GRIK1: variants seen among roughly 807,000 people sequenced by gnomAD.
GRIK1 encodes the protein glutamate receptor ionotropic, kainate 1.
Under a neutral mutation model 105.7 loss-of-function variants are expected in GRIK1, and 69 were observed. The observed-to-expected ratio is 0.65, with a 90% CI of 0.54 to 0.80. The LOEUF (loss-of-function observed/expected upper bound fraction) is 0.80, where lower values mean the gene tolerates loss of function less well. Ranked by LOEUF, GRIK1 falls within the 30% of genes least tolerant of loss-of-function variation. GRIK1 has a pLI of 0.00. For synonymous variants in GRIK1, 438 were observed against 431.3 expected, an observed-to-expected ratio of 1.02 and a Z score of -0.19; for missense variants, 1,109 against 1,167.3, an observed-to-expected ratio of 0.95 and a Z score of 0.73.
At chr21:29,614,444 G>A (rs995639594) in intron 7 of GRIK1, among the ~76,000 whole-genome samples, 18 of 98,012 alleles carry the variant, frequency 1.8e-4, no homozygotes, top group East Asian at 6.5e-4. Flanking sequence ...ACGGAGTTTC[G>A]CCCTTGTTGC....
Position 29,801,276 on chromosome 21 carries a change from T to TAAAG in GRIK1, c.119-107214_119-107213insCTTT, listed in dbSNP as rs1451672812. Among the ~76,000 whole-genome samples the TAAAG allele has an allele frequency of 8.7e-4, 132 of 151,822 alleles. 1 individual carries two copies. The East Asian group carries it at 0.023, about 26-fold the overall frequency. On this transcript the variant is annotated intron_variant, in intron 1 of 17. Coordinates refer to ENST00000327783, the MANE Select transcript of GRIK1 (RefSeq NM_001330994.2). ...GTAATTGCGGTTTTTACCATTACTT[T>TAAAG]TAATGGTAAAAACCGCAATTACTTT...
intron 1 of GRIK1, among the ~76,000 whole-genome samples, chr21:29,723,468 T>C (rs894400315): frequency 6.6e-6 from 1 of 152,206 alleles, no homozygotes; most frequent in Non-Finnish European, 1.5e-5. Flanking sequence ...TGCTCCCAAA[T>C]TTCTCTCATG....
At chr21:29,724,099 A>G (rs1017481089) in intron 1 of GRIK1, among the ~76,000 whole-genome samples, 5 of 152,222 alleles carry the variant, frequency 3.3e-5, no homozygotes, top group African/African-American at 1.2e-4. Context: ...TGGGCTATGT[A>G]TATGTAGAAG....
At chr21:29,553,484 C>G in intron 16 of GRIK1, 1 of 1,461,506 alleles carries the variant, frequency 6.8e-7, no homozygotes, top group East Asian at 2.4e-5. Flanking sequence ...TTAGCAAATA[C>G]AAATATCAAC....
rs140233775 is a variant in GRIK1, at chr21:29,765,710, T to C, written c.119-71647A>G. On this transcript the variant is annotated intron_variant, in intron 1 of 17. Transcript: ENST00000327783. ...GGAAGTAGAGCAGAATAAGAATCCCTCCCTCTGACAAATACAGCAAACTGG... is the reference window on the plus strand; with the variant it reads ...GGAAGTAGAGCAGAATAAGAATCCCCCCCTCTGACAAATACAGCAAACTGG... Among the ~76,000 whole-genome samples the C allele has an allele frequency of 8.3e-3, 1,265 of 152,172 alleles. 45 individuals are homozygous for C. The highest frequency in any genetic ancestry group is 0.067 in the Admixed American group (1,024 of 15,262).
chr21:29,861,282 T>C (rs1265504204), intron 1 of GRIK1, among the ~76,000 whole-genome samples: 1 of 150,584 alleles, frequency 6.6e-6, no homozygotes, highest in East Asian at 2.0e-4. Flanking sequence ...ATCATTAAGA[T>C]GATAACTGTA....
intron 1 of GRIK1, among the ~76,000 whole-genome samples, chr21:29,911,229 A>T (rs1346368301): frequency 6.6e-6 from 1 of 152,102 alleles, no homozygotes. Context: ...AAGTGGCAAA[A>T]CCGGGCAACA....
intron 1 of GRIK1, among the ~76,000 whole-genome samples, chr21:29,813,913 CTTTTTTTT>C (rs35127743): frequency 4.0e-5 from 5 of 126,288 alleles, no homozygotes; most frequent in African/African-American, 1.2e-4. Flanking sequence ...AAGAAACATT[CTTTTTTTT>C]TTTTTTTTTT....
intron 1 of GRIK1, among the ~76,000 whole-genome samples, chr21:29,708,884 C>G (rs1026455716): frequency 9.2e-5 from 14 of 152,230 alleles, no homozygotes; most frequent in Admixed American, 7.9e-4. Flanking sequence ...TTCAAAATTT[C>G]TCCTCTGCCC....
intron 4 of GRIK1, among the ~76,000 whole-genome samples, chr21:29,660,181 T>C (rs577744762): frequency 6.6e-6 from 1 of 152,326 alleles, no homozygotes; most frequent in East Asian, 1.9e-4. Flanking sequence ...CACAGTAGTA[T>C]TGACCTTCTT....
intron 3 of GRIK1, among the ~76,000 whole-genome samples, chr21:29,684,640 T>C (rs1381514282): frequency 6.6e-6 from 1 of 152,204 alleles, no homozygotes; most frequent in Non-Finnish European, 1.5e-5. Context: ...CCCGAGTAGT[T>C]GGGACTACAG....
chr21:29,892,672 A>G (rs1233165433), intron 1 of GRIK1, among the ~76,000 whole-genome samples: 1 of 152,216 alleles, frequency 6.6e-6, no homozygotes, highest in South Asian at 2.1e-4. Flanking sequence ...AGCTGGAGCA[A>G]TGGTCTCCAG....
At chr21:29,921,799 A>T (rs1054335336) in intron 1 of GRIK1, among the ~76,000 whole-genome samples, 4 of 152,182 alleles carry the variant, frequency 2.6e-5, no homozygotes, top group Non-Finnish European at 4.4e-5. Context: ...AGAATTGGAC[A>T]AGGTTCTAGA....
rs917987045 is a variant in GRIK1, at chr21:29,542,397, T to C, written c.2608-4513A>G. Among the ~76,000 whole-genome samples, 5 of 152,224 alleles carry C rather than the reference T, an allele frequency of 3.3e-5. 1 individual carries two copies. Among genetic ancestry groups the C allele is most frequent in the South Asian group, 4.1e-4 (2 of 4,830 alleles). ...CTGAATATAAATTATATCTTCTCTT[T>C]ACACCTTTATCCTTCCGTTGCAAAT... On this transcript the variant is annotated intron_variant, in intron 16 of 17. Transcript: ENST00000327783.
At chr21:29,548,837 A>G (rs2090085858) in intron 16 of GRIK1, among the ~76,000 whole-genome samples, 1 of 152,224 alleles carries the variant, frequency 6.6e-6, no homozygotes, top group Admixed American at 6.5e-5. Context: ...CCCACCATGT[A>G]TTCCTTAAAT....
intron 1 of GRIK1, among the ~76,000 whole-genome samples, chr21:29,797,021 C>T (rs1181845271): frequency 1.3e-5 from 2 of 151,752 alleles, no homozygotes; most frequent in African/African-American, 2.4e-5. Context: ...GTTTCTAATG[C>T]GTTAGTACAA....
intron 1 of GRIK1, among the ~76,000 whole-genome samples, chr21:29,873,997 G>T (rs1438822055): frequency 1.3e-5 from 2 of 152,152 alleles, no homozygotes; most frequent in Non-Finnish European, 2.9e-5. Context: ...TTCACAATAG[G>T]GTTCCCTCTC....
intron 1 of GRIK1, among the ~76,000 whole-genome samples, chr21:29,750,656 A>G (rs1338601756): frequency 6.6e-6 from 1 of 151,848 alleles, no homozygotes; most frequent in Non-Finnish European, 1.5e-5. Context: ...TCAATAGAGG[A>G]GAGAAGGAGA....
intron 1 of GRIK1, among the ~76,000 whole-genome samples, chr21:29,712,398 T>A (rs939678344): frequency 1.3e-5 from 2 of 152,116 alleles, no homozygotes; most frequent in African/African-American, 4.8e-5. Flanking sequence ...TTCTTTTATA[T>A]AAAATTATAA....
Sources: allele counts gnomAD v4.1 joint callset (sites outside exome capture counted in the v4.1 genomes callset), GRCh38; gene constraint gnomAD v4.1.1; transcripts MANE v1.5; gene names NCBI Gene and HGNC (gene_info 2026-07-23, HGNC 2026-07-21).